The following ZC3HAV1 variants were observed in gnomAD, a reference collection of about 807,000 sequenced individuals.
The protein encoded by ZC3HAV1 is zinc finger CCCH-type antiviral protein 1.
Under a neutral mutation model 86.6 loss-of-function variants are expected in ZC3HAV1, and 41 were observed. That is an observed-to-expected ratio of 0.47 (90% confidence interval 0.37 to 0.61). The LOEUF is 0.61. Ranked by LOEUF, ZC3HAV1 falls within the 20% of genes least tolerant of loss-of-function variation. The pLI is 0.00. For synonymous variants in ZC3HAV1, 421 were observed against 432.1 expected (o/e 0.97, Z 0.32); for missense variants, 964 against 1,141.1 (o/e 0.84, Z 2.24).
intron 1 of ZC3HAV1, among the ~76,000 whole-genome samples, chr7:139,100,104 AAT>A (rs1817706774): frequency 6.6e-6 from 1 of 152,062 alleles, no homozygotes; most frequent in South Asian, 2.1e-4. Flanking sequence ...TACAAACAAA[AAT>A]AGAGTGCTAT....
At chr7:139,070,520 T>C (rs181276748) in intron 7 of ZC3HAV1, among the ~76,000 whole-genome samples, 2,087 of 150,168 alleles carry the variant, frequency 0.014, 17 homozygotes, top group Non-Finnish European at 0.023. Context: ...AAAAATTAGC[T>C]GGGCGCGGTG....
chr7:139,100,245 A>G (rs548512369), intron 1 of ZC3HAV1, among the ~76,000 whole-genome samples: 5 of 152,068 alleles, frequency 3.3e-5, no homozygotes, highest in Non-Finnish European at 5.9e-5. Flanking sequence ...TAAAACCACA[A>G]TGAGGGCTGG....
chr7:139,047,473 G>T lies in ZC3HAV1; in HGVS notation c.*121C>A. 7.1e-7 allele frequency: 1 copy of T among 1,407,204 alleles called. No individual in the cohort carries two copies. 87.2% of individuals were successfully genotyped at this position (1,407,204 alleles called of 1,614,324 possible). A position where few individuals can be genotyped will look rare whatever the true frequency, so the allele number is the denominator to read the frequency against. ...TATGTAGCAAAATTTGGGGACCACT[G>T]ATCTAAGACATTAGATAACTGAGCA... On this transcript the variant is annotated 3_prime_UTR_variant, in exon 13 of 13. Transcript: ENST00000242351.
rs531905162 is a variant in ZC3HAV1 at position 139,066,404 on chromosome 7, G to A, written c.1873-1405C>T. Among the ~76,000 whole-genome samples the A allele has an allele frequency of 2.0e-5, 3 of 152,328 alleles. No individual in the cohort carries two copies. The East Asian group carries it at 5.8e-4, about 29-fold the overall frequency. ...GAGCTGGGTCTCTTTATCCTGGAGT[G>A]CAGCATGGTGGGAGCAGAAAGCAGT... On this transcript the variant is annotated intron_variant, in intron 7 of 12. Transcript: ENST00000242351.
At chr7:139,073,148 T>C (rs756530107) in intron 7 of ZC3HAV1, among the ~76,000 whole-genome samples, 2 of 151,810 alleles carry the variant, frequency 1.3e-5, no homozygotes, top group African/African-American at 2.4e-5. Flanking sequence ...ATACAAAAAT[T>C]AGCTGGGTGT....
chr7:139,074,513 T>C (rs1328750588), intron 6 of ZC3HAV1, among the ~76,000 whole-genome samples: 1 of 152,156 alleles, frequency 6.6e-6, no homozygotes, highest in East Asian at 1.9e-4. Context: ...GGCTACACAA[T>C]ATATGATTTC....
intron 2 of ZC3HAV1, among the ~76,000 whole-genome samples, chr7:139,086,393 C>T (rs1817273108): frequency 6.7e-6 from 1 of 149,810 alleles, no homozygotes; most frequent in African/African-American, 2.4e-5. Flanking sequence ...CAAGAACCTC[C>T]CCACCCCACC....
chr7:139,048,936 G>C (rs932825523), intron 12 of ZC3HAV1, among the ~76,000 whole-genome samples: 1 of 151,884 alleles, frequency 6.6e-6, no homozygotes, highest in Non-Finnish European at 1.5e-5. Context: ...TCCCAAAACA[G>C]TTTATGGCTG....
chr7:139,079,298 C>T (rs1203565775), intron 4 of ZC3HAV1, 172 bp downstream of exon 4: 2 of 1,538,064 alleles, frequency 1.3e-6, no homozygotes, highest in Middle Eastern at 1.7e-4. Context: ...GTTCCTCAGA[C>T]TCTGACTTCC....
At chr7:139,083,450 C>T (rs529298350) in intron 3 of ZC3HAV1, among the ~76,000 whole-genome samples, 18 of 152,114 alleles carry the variant, frequency 1.2e-4, no homozygotes, top group South Asian at 1.0e-3. Context: ...CACAATTGGC[C>T]GGGTGCAGTG....
intron 3 of ZC3HAV1, among the ~76,000 whole-genome samples, chr7:139,083,274 A>C (rs1817180029): frequency 6.6e-6 from 1 of 152,164 alleles, no homozygotes; most frequent in Non-Finnish European, 1.5e-5. Context: ...GCTAAGCATA[A>C]AAATTGAATT....
chr7:139,085,814 A>G (rs970506152), intron 2 of ZC3HAV1, among the ~76,000 whole-genome samples: 1 of 152,082 alleles, frequency 6.6e-6, no homozygotes, highest in Admixed American at 6.5e-5. Flanking sequence ...GGAGTTTGAG[A>G]CCAGCCTGGC....
At chr7:139,060,895 G>A (rs774256522) in intron 9 of ZC3HAV1, 141 bp downstream of exon 9, 7 of 1,574,170 alleles carry the variant, frequency 4.4e-6, no homozygotes, top group Non-Finnish European at 3.4e-6. Context: ...CTTACTCATC[G>A]ATAATGCAAA....
Position 139,080,037 on chromosome 7 carries a change from TC to T in ZC3HAV1, c.903del (p.Ser302ValfsTer30). On this transcript the variant is annotated frameshift_variant, in exon 4 of 13. Transcript: ENST00000242351. LOFTEE classifies it high-confidence loss of function. ...DDLTRKFTYLGSQDRARPPSG... is the reference protein window; with the variant it reads ...DDLTRKFTYLXSQDRARPPSG... Reference sequence around the variant, plus strand: ...GAGGGAGGCCGAGCGCGATCCTGACTCCCCAGATACGTGAACTTGCGGGTGA... The same window carrying T: ...GAGGGAGGCCGAGCGCGATCCTGACTCCCAGATACGTGAACTTGCGGGTGA... 1 of 1,614,152 alleles carries T rather than the reference TC, an allele frequency of 6.2e-7. No individual in the cohort carries two copies.
chr7:139,063,027 C>CAAA (rs58859916), intron 8 of ZC3HAV1, among the ~76,000 whole-genome samples: 312 of 67,904 alleles, frequency 4.6e-3, no homozygotes, highest in Non-Finnish European at 5.9e-3. Context: ...GACTCTGTCT[C>CAAA]AAAAAAAAAA....
At chr7:139,080,891 A>G (rs886069507) in intron 3 of ZC3HAV1, among the ~76,000 whole-genome samples, 5 of 151,636 alleles carry the variant, frequency 3.3e-5, no homozygotes, top group East Asian at 3.9e-4. Context: ...CAGATTCACA[A>G]TGCTCAAAGA....
intron 2 of ZC3HAV1, 131 bp from the exon 3 acceptor site, chr7:139,084,163 G>A: frequency 2.4e-6 from 3 of 1,237,718 alleles, no homozygotes; most frequent in Non-Finnish European, 3.3e-6. Flanking sequence ...AAAAATACAT[G>A]CATATTCTGC....
intron 5 of ZC3HAV1, 98 bp from the exon 6 acceptor site, chr7:139,076,507 G>GC (rs1241825612): frequency 1.1e-5 from 17 of 1,506,290 alleles, no homozygotes; most frequent in African/African-American, 2.7e-5. Flanking sequence ...TGCCTGCCCT[G>GC]CCCCCTGCCA....
At chr7:139,083,615 T>C (rs1817189758) in intron 3 of ZC3HAV1, among the ~76,000 whole-genome samples, 165 bp downstream of exon 3, 1 of 151,202 alleles carries the variant, frequency 6.6e-6, no homozygotes, top group Non-Finnish European at 1.5e-5. Flanking sequence ...TAATCCCAGC[T>C]ACTCGGGAGG....
Sources: allele counts gnomAD v4.1 joint callset (sites outside exome capture counted in the v4.1 genomes callset), GRCh38; gene constraint gnomAD v4.1.1; transcripts MANE v1.5; gene names NCBI Gene and HGNC (gene_info 2026-07-23, HGNC 2026-07-21).